The following IGDCC3 variants were observed in gnomAD, a reference collection of about 807,000 sequenced individuals.
IGDCC3 encodes putative neuronal cell adhesion molecule.
A neutral mutation model predicts 72.0 loss-of-function variants in IGDCC3; 47 were observed. The observed-to-expected ratio is 0.65, with a 90% CI of 0.52 to 0.83. IGDCC3 has a LOEUF of 0.83. Ranked by LOEUF, IGDCC3 falls within the 40% of genes least tolerant of loss-of-function variation. The probability of loss-of-function intolerance (pLI) is 0.00; values close to 1 mark genes in which losing one functional copy is unlikely to be tolerated. For missense variants in IGDCC3, 1,038 were observed against 1,091.3 expected, an observed-to-expected ratio of 0.95 and a Z score of 0.69; for synonymous variants, 477 against 472.8, an observed-to-expected ratio of 1.01 and a Z score of -0.11.
chr15:65,363,289 T>C (rs632556), intron 2 of IGDCC3, among the ~76,000 whole-genome samples: 23,479 of 152,124 alleles, frequency 0.15, 2,561 homozygotes, highest in East Asian at 0.38. Flanking sequence ...TGGGCTCATA[T>C]TCCGGGAATG....
rs1015864709 is a variant in IGDCC3 at position 65,339,877 on chromosome 15, T to G, written c.410-3921A>C. Among the ~76,000 whole-genome samples the G allele has an allele frequency of 6.6e-6, 1 of 152,090 alleles. No homozygotes were observed. The highest frequency in any genetic ancestry group is 1.5e-5 in the Non-Finnish European group (1 of 67,994). On this transcript the variant is annotated intron_variant, in intron 2 of 13. Transcript: ENST00000327987. This position sits in a 1 kb window ranked among gnomAD's most constrained non-coding sequence, Gnocchi z 4.1. ...ACAGTTTTGGGTCCCTCACTTCAAG[T>G]TGGGTGATGGGAAGGGGGTGATGGG...
chr15:65,343,128 A>G (rs1002218386), intron 2 of IGDCC3, among the ~76,000 whole-genome samples: 1 of 152,076 alleles, frequency 6.6e-6, no homozygotes, highest in Non-Finnish European at 1.5e-5. Context: ...CAATAGGGGG[A>G]TTCAATGAGC....
chr15:65,331,877 C>G (rs2090980848), intron 7 of IGDCC3, 64 bp downstream of exon 7: 5 of 1,545,164 alleles, frequency 3.2e-6, no homozygotes, highest in Non-Finnish European at 4.4e-6. Context: ...TCAGGCCACT[C>G]ACTCCAGGCC....
At chr15:65,372,681 C>T (rs1489723608) in intron 2 of IGDCC3, among the ~76,000 whole-genome samples, 3 of 152,086 alleles carry the variant, frequency 2.0e-5, no homozygotes, top group African/African-American at 7.2e-5. Flanking sequence ...CCCTGAGGAG[C>T]AGGCAGAAGA....
rs539531695 is a variant in IGDCC3, at chr15:65,377,658, C to G, written c.103+28G>C. 7.0e-7 allele frequency: 1 copy of G among 1,431,706 alleles called. No individual in the cohort carries two copies. The highest frequency in any genetic ancestry group is 2.9e-5 in the East Asian group (1 of 34,830). The allele number at this position is 1,431,706 out of a possible 1,614,324, so 88.7% of individuals were successfully genotyped here. The stretch of plus-strand genomic sequence containing the variant: ...GCCCTTCCCCTGGCTCCGTCCGCAA[C>G]CGCCCGGTCCGGGGCGCTTTCACTC... On this transcript the variant is annotated intron_variant, in intron 1 of 13. Transcript: ENST00000327987. The surrounding 1 kb of genome is among the most constrained non-coding windows in gnomAD (Gnocchi z 4.9).
At chr15:65,368,195 CA>C (rs1595765380) in intron 2 of IGDCC3, among the ~76,000 whole-genome samples, 1 of 149,936 alleles carries the variant, frequency 6.7e-6, no homozygotes, top group Admixed American at 6.6e-5. Context: ...CACACACACA[CA>C]CACCAGCCTG....
intron 2 of IGDCC3, among the ~76,000 whole-genome samples, chr15:65,352,847 C>T (rs1024163405): frequency 3.3e-5 from 5 of 152,198 alleles, no homozygotes; most frequent in Non-Finnish European, 7.3e-5. Flanking sequence ...AAATATGTTT[C>T]AAGAACTATG....
chr15:65,375,170 T>G lies in IGDCC3; in HGVS notation c.336A>C (p.Glu112Asp). 6.2e-7 allele frequency: 1 copy of G among 1,614,190 alleles called. No homozygotes were observed. The highest frequency in any genetic ancestry group is 8.5e-7 in the Non-Finnish European group (1 of 1,180,038). Residue 112 changes from glutamate to aspartate, a missense_variant, in exon 2 of 14, where the codon GAA (glutamate) becomes GAC (aspartate). Glu to Asp is a conservative substitution (Grantham distance 45). Coordinates refer to ENST00000327987, the MANE Select transcript of IGDCC3 (RefSeq NM_004884.4). ...RLEPGGSPSD[E>D]GDYECVAQNR... ...TCTGGGCCACACACTCATAGTCACC[T>G]TCATCCGAAGGGCTGCCTCCCGGCT...
Position 65,331,986 on chromosome 15 carries a change from T to C in IGDCC3, c.1103A>G (p.Gln368Arg), listed in dbSNP as rs771817257. Reference sequence around the variant, plus strand: ...GACGTGGCCTCCTGGCCCCAGCACCTGTCCATTTTTCAGCCACGTGACATG... The same window carrying C: ...GACGTGGCCTCCTGGCCCCAGCACCCGTCCATTTTTCAGCCACGTGACATG... The part of the protein sequence containing the change: ...PPHVTWLKNG[Q>R]VLGPGGHVRL... Residue 368 changes from glutamine (Q) to arginine (R), a missense_variant, in exon 7 of 14, where the codon CAG becomes CGG. Coordinates refer to ENST00000327987, the MANE Select transcript of IGDCC3 (RefSeq NM_004884.4). 56 of 1,614,066 alleles carry C rather than the reference T, an allele frequency of 3.5e-5. No individual in the cohort carries two copies. Among genetic ancestry groups the C allele is most frequent in the Non-Finnish European group, 4.3e-5 (51 of 1,180,040 alleles).
At chr15:65,370,608 A>ATGTATG (rs2091318677) in intron 2 of IGDCC3, among the ~76,000 whole-genome samples, 1 of 100,928 alleles carries the variant, frequency 9.9e-6, no homozygotes, top group Non-Finnish European at 1.9e-5. Flanking sequence ...GTATGTGTAT[A>ATGTATG]TATATGTATG....
At chr15:65,341,856 C>A (rs112010444) in intron 2 of IGDCC3, among the ~76,000 whole-genome samples, 19,707 of 152,198 alleles carry the variant, frequency 0.13, 1,627 homozygotes, top group African/African-American at 0.24. Context: ...TCACCGCAAC[C>A]TCCACCTCCC....
In IGDCC3 at chr15:65,329,374, A is replaced by G. The variant is rs771305432; in HGVS notation, c.2205+16T>C. On this transcript the variant is annotated intron_variant, in intron 13 of 13. Transcript: ENST00000327987. The surrounding 1 kb of genome is among the most constrained non-coding windows in gnomAD (Gnocchi z 4.1). The stretch of plus-strand genomic sequence containing the variant: ...AGAGCCTGAGGCGGGGGTTTGTTTA[A>G]GACATGGGCACTCACTGTGGGTCTG... 1 of 1,576,310 alleles carries G rather than the reference A, an allele frequency of 6.3e-7. No individual in the cohort carries two copies. The highest frequency in any genetic ancestry group is 8.6e-7 in the Non-Finnish European group (1 of 1,166,240).
intron 2 of IGDCC3, among the ~76,000 whole-genome samples, chr15:65,340,146 A>G (rs1157353004): frequency 6.6e-6 from 1 of 152,128 alleles, no homozygotes; most frequent in East Asian, 1.9e-4. Flanking sequence ...CAGTTCCTGG[A>G]CACCTCTATA....
At chr15:65,350,290 C>G (rs1465297428) in intron 2 of IGDCC3, among the ~76,000 whole-genome samples, 4 of 151,832 alleles carry the variant, frequency 2.6e-5, no homozygotes, top group Non-Finnish European at 5.9e-5. Flanking sequence ...GCCACCATGC[C>G]TGGCTAATTT....
chr15:65,327,424 T>C lies in IGDCC3; in HGVS notation c.*1485A>G, dbSNP rs1202052664. On this transcript the variant is annotated 3_prime_UTR_variant, in exon 14 of 14. Coordinates refer to ENST00000327987, the MANE Select transcript of IGDCC3 (RefSeq NM_004884.4). ...CACAAATTCTATCTTCTTCAGCTAA[T>C]TAACTAAAGTTCAGGGTGGAGGTGT... The C allele has an allele frequency of 6.6e-6, 1 of 152,224 alleles. No homozygotes were observed. Among genetic ancestry groups the C allele is most frequent in the Non-Finnish European group, 1.5e-5 (1 of 68,034 alleles). 9.4% of individuals were successfully genotyped at this position (152,224 alleles called of 1,614,324 possible).
At chr15:65,346,479 C>T (rs561740281) in intron 2 of IGDCC3, among the ~76,000 whole-genome samples, 82 of 148,290 alleles carry the variant, frequency 5.5e-4, no homozygotes, top group Non-Finnish European at 1.1e-3. Flanking sequence ...TTTTTTGAGA[C>T]GGAGTCTCGC....
chr15:65,332,365 A>G (rs2090986304), intron 6 of IGDCC3, among the ~76,000 whole-genome samples: 1 of 152,170 alleles, frequency 6.6e-6, no homozygotes, highest in Non-Finnish European at 1.5e-5. Context: ...AAAGACTGAC[A>G]TTTGTATCCG....
chr15:65,342,116 G>T (rs1247804324), intron 2 of IGDCC3, among the ~76,000 whole-genome samples: 1 of 151,914 alleles, frequency 6.6e-6, no homozygotes, highest in Non-Finnish European at 1.5e-5. Flanking sequence ...GCCAGGCGCG[G>T]TGGCTCATGC....
At chr15:65,361,067 G>T (rs73470873) in intron 2 of IGDCC3, among the ~76,000 whole-genome samples, 3,703 of 152,158 alleles carry the variant, frequency 0.024, 151 homozygotes, top group African/African-American at 0.084. Context: ...ATGAGCCACA[G>T]TGCCTAGCCG....
Sources: allele counts gnomAD v4.1 joint callset (sites outside exome capture counted in the v4.1 genomes callset), GRCh38; gene constraint gnomAD v4.1.1; non-coding constraint Gnocchi (gnomAD v3.1); transcripts MANE v1.5; gene names NCBI Gene and HGNC (gene_info 2026-07-23, HGNC 2026-07-21).